Variants in SH3PXD2B observed in about 807,000 individuals in gnomAD.
SH3PXD2B encodes the protein SH3 and PX domains 2B.
In SH3PXD2B, 37 loss-of-function variants were observed where a neutral mutation model predicts 73.1. The ratio of observed to expected loss-of-function variants is 0.51; its 90% confidence interval spans 0.39 to 0.67. The LOEUF (loss-of-function observed/expected upper bound fraction) is 0.67. Ranked by LOEUF, SH3PXD2B falls within the 30% of genes least tolerant of loss-of-function variation. The pLI is 0.00. For synonymous variants in SH3PXD2B, 457 were observed against 480.5 expected, an observed-to-expected ratio of 0.95 and a Z score of 0.64; for missense variants, 1,053 against 1,197.8, an observed-to-expected ratio of 0.88 and a Z score of 1.78.
chr5:172,369,648 G>GT (rs1388044375), intron 6 of SH3PXD2B, among the ~76,000 whole-genome samples: 1 of 152,038 alleles, frequency 6.6e-6, no homozygotes, highest in Non-Finnish European at 1.5e-5. Flanking sequence ...TGTGCCTGTA[G>GT]TCCCAGCTAC....
intron 2 of SH3PXD2B, among the ~76,000 whole-genome samples, chr5:172,408,534 C>CTT (rs34377327): frequency 0.04 from 3,719 of 92,594 alleles, 411 homozygotes; most frequent in African/African-American, 0.14. Context: ...TGGGTTATCA[C>CTT]TTTTTTTTTT....
chr5:172,444,463 T>C (rs928749590), intron 1 of SH3PXD2B, among the ~76,000 whole-genome samples: 2 of 152,176 alleles, frequency 1.3e-5, no homozygotes, highest in African/African-American at 4.8e-5. Context: ...ACAGAGCTGC[T>C]ATGTGGATTC....
intron 1 of SH3PXD2B, among the ~76,000 whole-genome samples, chr5:172,427,630 C>T (rs1004226714): frequency 9.9e-5 from 15 of 152,070 alleles, no homozygotes; most frequent in African/African-American, 3.1e-4. Flanking sequence ...GGATTACAGC[C>T]GTGAGCCACC....
Position 172,446,570 on chromosome 5 carries a change from C to T in SH3PXD2B, c.75+7708G>A, listed in dbSNP as rs965764985. On this transcript the variant is annotated intron_variant, in intron 1 of 12. Coordinates refer to ENST00000311601, the MANE Select transcript of SH3PXD2B (RefSeq NM_001017995.3). The stretch of plus-strand genomic sequence containing the variant: ...ATTTGCAAGCAGGACGTGAGTGTCA[C>T]GGCGGGAACGGCACAGTCCCTCTAG... Among the ~76,000 whole-genome samples, 7 of 152,330 alleles carry T rather than the reference C, an allele frequency of 4.6e-5. No individual in the cohort carries two copies. In the South Asian group the frequency reaches 6.2e-4, roughly 14 times the overall value.
chr5:172,429,885 G>A (rs937864571), intron 1 of SH3PXD2B, among the ~76,000 whole-genome samples: 3 of 152,140 alleles, frequency 2.0e-5, no homozygotes, highest in African/African-American at 7.2e-5. Flanking sequence ...GGGCCAGCAG[G>A]GAGATGTCTG....
intron 4 of SH3PXD2B, among the ~76,000 whole-genome samples, chr5:172,393,114 A>G (rs1198058201): frequency 6.6e-6 from 1 of 152,232 alleles, no homozygotes; most frequent in African/African-American, 2.4e-5. Context: ...TATAGAAAAG[A>G]TTTTGACAGG....
In SH3PXD2B at chr5:172,354,004, C is replaced by T; in HGVS notation, c.669G>A (p.Glu223=). The change falls in exon 9 of 13, where the codon GAG becomes GAA. Residue 223 remains glutamate (E), a splice_region_variant and synonymous_variant. Transcript: ENST00000311601. Reference sequence around the variant, plus strand: ...ACGGGTAGATGACTGTGTACTTCTCCTCTGTGGGGACAAAAGGAAGCTGGG... The same window carrying T: ...ACGGGTAGATGACTGTGTACTTCTCTTCTGTGGGGACAAAAGGAAGCTGGG... ...QDEFSLQPEE[E]EKYTVIYPYT... 1 of 1,614,000 alleles carries T rather than the reference C, an allele frequency of 6.2e-7. No individual in the cohort carries two copies. Among genetic ancestry groups the T allele is most frequent in the Non-Finnish European group, 8.5e-7 (1 of 1,179,888 alleles).
chr5:172,434,200 C>A (rs2731684), intron 1 of SH3PXD2B, among the ~76,000 whole-genome samples: 48,477 of 152,010 alleles, frequency 0.32, 8,080 homozygotes, highest in South Asian at 0.38. Flanking sequence ...ATCATTACAC[C>A]CTCTATGCAT....
In SH3PXD2B at chr5:172,394,924, C is replaced by T. The variant is rs11738073; in HGVS notation, c.233-285G>A. Reference sequence around the variant, plus strand: ...GCTGGAAGCAACTGTGGAAGGAAGCCGCTCCTACCTGATGAAGAAAGAAGG... The same window carrying T: ...GCTGGAAGCAACTGTGGAAGGAAGCTGCTCCTACCTGATGAAGAAAGAAGG... On this transcript the variant is annotated intron_variant, in intron 3 of 12. Transcript: ENST00000311601. Among the ~76,000 whole-genome samples the T allele has an allele frequency of 0.3, 45,823 of 151,942 alleles. 7,455 individuals are homozygous for T. Among genetic ancestry groups the T allele is most frequent in the East Asian group, 0.66 (3,394 of 5,150 alleles).
chr5:172,435,299 A>T (rs1191655602), intron 1 of SH3PXD2B, among the ~76,000 whole-genome samples: 1 of 152,250 alleles, frequency 6.6e-6, no homozygotes, highest in African/African-American at 2.4e-5. Context: ...AGAATACTGT[A>T]TTAGGAATAT....
At chr5:172,364,214 C>A (rs150485024) in intron 6 of SH3PXD2B, among the ~76,000 whole-genome samples, 1 of 152,246 alleles carries the variant, frequency 6.6e-6, no homozygotes, top group East Asian at 1.9e-4. Flanking sequence ...AGCTGGGTGA[C>A]TTTTAGAGCA....
At chr5:172,349,387 C>T (rs1389934937) in intron 10 of SH3PXD2B, among the ~76,000 whole-genome samples, 1 of 152,216 alleles carries the variant, frequency 6.6e-6, no homozygotes, top group Non-Finnish European at 1.5e-5. Flanking sequence ...CACCAGCGTG[C>T]CCATGCAGAC....
At chr5:172,405,807 G>A (rs1473673839) in intron 3 of SH3PXD2B, among the ~76,000 whole-genome samples, 1 of 152,144 alleles carries the variant, frequency 6.6e-6, no homozygotes, top group African/African-American at 2.4e-5. Context: ...TGTAAGAATA[G>A]AAAACGAATA....
At chr5:172,356,421 G>A (rs1331377019) in intron 8 of SH3PXD2B, among the ~76,000 whole-genome samples, 1 of 152,204 alleles carries the variant, frequency 6.6e-6, no homozygotes, top group Non-Finnish European at 1.5e-5. Flanking sequence ...AAATGAGCCT[G>A]AATGAAGGAA....
chr5:172,423,374 A>G (rs1250607125), intron 1 of SH3PXD2B, among the ~76,000 whole-genome samples: 1 of 152,222 alleles, frequency 6.6e-6, no homozygotes, highest in Admixed American at 6.5e-5. Context: ...AAGAAATGTC[A>G]TAGAAACACA....
intron 1 of SH3PXD2B, among the ~76,000 whole-genome samples, chr5:172,423,544 T>G (rs1759021420): frequency 6.7e-5 from 5 of 75,096 alleles, no homozygotes; most frequent in South Asian, 7.2e-4. Context: ...GGATACGGGG[T>G]TGGGGGGGGG....
chr5:172,442,451 T>C (rs1250692697), intron 1 of SH3PXD2B, among the ~76,000 whole-genome samples: 1 of 152,242 alleles, frequency 6.6e-6, no homozygotes, highest in Admixed American at 6.5e-5. Flanking sequence ...GCCTTTATAG[T>C]TCATTGTAAG....
rs1033641429 is a variant in SH3PXD2B at position 172,338,927 on chromosome 5, G to C, written c.2178C>G (p.Cys726Trp). Residue 726 changes from cysteine (C) to tryptophan (W), a missense_variant, in exon 13 of 13, where the codon TGC (cysteine) becomes TGG (tryptophan). By Grantham distance (215) the Cys-to-Trp change is radical (BLOSUM62 -2). Coordinates refer to ENST00000311601, the MANE Select transcript of SH3PXD2B (RefSeq NM_001017995.3). The surrounding 1 kb of genome is among the most constrained non-coding windows in gnomAD (Gnocchi z 5.1). ...QDGLSPKEIS[C>W]RAPPRPAKTT... is the part of the protein sequence containing the mutation. ...TCTTGGCTGGCCTCGGAGGGGCTCTGCAGGAAATCTCTTTTGGGCTGAGAC... is the reference window on the plus strand; with the variant it reads ...TCTTGGCTGGCCTCGGAGGGGCTCTCCAGGAAATCTCTTTTGGGCTGAGAC... The C allele has an allele frequency of 6.2e-7, 1 of 1,614,112 alleles. No homozygotes were observed. Among genetic ancestry groups the C allele is most frequent in the Admixed American group, 1.7e-5 (1 of 60,024 alleles).
intron 6 of SH3PXD2B, 102 bp from the exon 7 acceptor site, chr5:172,362,971 G>A: frequency 6.7e-7 from 1 of 1,497,194 alleles, no homozygotes. Flanking sequence ...AAATAAAAAA[G>A]CAGCAGTTAC....
Sources: allele counts gnomAD v4.1 joint callset (sites outside exome capture counted in the v4.1 genomes callset), GRCh38; gene constraint gnomAD v4.1.1; non-coding constraint Gnocchi (gnomAD v3.1); transcripts MANE v1.5; gene names NCBI Gene and HGNC (gene_info 2026-07-23, HGNC 2026-07-21).